The following DDX60 variants were observed in gnomAD, a reference collection of about 807,000 sequenced individuals.
The protein encoded by DDX60 is DExD/H-box helicase 60.
Under a neutral mutation model 212.8 loss-of-function variants are expected in DDX60, and 165 were observed. That is an observed-to-expected ratio of 0.78 (90% CI 0.68 to 0.88). The LOEUF (loss-of-function observed/expected upper bound fraction) is 0.88, where lower values mean the gene tolerates loss of function less well. DDX60 is among the 40% of genes least tolerant of loss of function. The probability of loss-of-function intolerance (pLI) is 0.00; values close to 1 mark genes in which losing one functional copy is unlikely to be tolerated. For missense variants in DDX60, 1,905 were observed against 2,003.9 expected, an observed-to-expected ratio of 0.95 and a Z score of 0.94; for synonymous variants, 703 against 685.3, an observed-to-expected ratio of 1.03 and a Z score of -0.40.
At chr4:168,266,844 T>C (rs1734868226) in intron 22 of DDX60, among the ~76,000 whole-genome samples, 1 of 152,242 alleles carries the variant, frequency 6.6e-6, no homozygotes, top group Non-Finnish European at 1.5e-5. Context: ...TATGTTGACT[T>C]TTGTGCTCTA....
intron 1 of DDX60, among the ~76,000 whole-genome samples, chr4:168,316,821 G>C (rs1234773120): frequency 6.6e-6 from 1 of 151,922 alleles, no homozygotes; most frequent in East Asian, 1.9e-4. Flanking sequence ...AACTTGGGAG[G>C]CCAAGGCGGG....
chr4:168,284,819 C>T lies in DDX60; in HGVS notation c.1561+1G>A. ...TATATCACTGGAGTCACAGAGCTTACCATCAAACTGACACCTGGACCTGTC... is the reference window on the plus strand; with the variant it reads ...TATATCACTGGAGTCACAGAGCTTATCATCAAACTGACACCTGGACCTGTC... On this transcript the variant is annotated splice_donor_variant, in intron 12 of 37. Transcript: ENST00000393743. LOFTEE classifies it high-confidence loss of function. The T allele has an allele frequency of 2.1e-6, 3 of 1,457,218 alleles. No individual in the cohort carries two copies. Among genetic ancestry groups the T allele is most frequent in the Non-Finnish European group, 2.8e-6 (3 of 1,070,616 alleles). The allele number at this position is 1,457,218 out of a possible 1,614,324, so 90.3% of individuals were successfully genotyped here. A position where few individuals can be genotyped will look rare whatever the true frequency, so the allele number is the denominator to read the frequency against.
intron 20 of DDX60, 65 bp downstream of exon 20, chr4:168,268,788 GA>G (rs1734959849): frequency 1.1e-6 from 1 of 905,152 alleles, no homozygotes; most frequent in Non-Finnish European, 1.7e-6. Context: ...AATCCACAGA[GA>G]AATTATGAAA....
At chr4:168,291,640 C>T in intron 8 of DDX60, 108 bp downstream of exon 8, 1 of 985,328 alleles carries the variant, frequency 1.0e-6, no homozygotes, top group Non-Finnish European at 1.4e-6. Flanking sequence ...CTTTTATAGC[C>T]CCCAAGGGGC....
At position 168,248,272 on chromosome 4, in the gene DDX60, T is replaced by C. The variant is rs940780005; in HGVS notation, c.3879A>G (p.Thr1293=). Residue 1293 remains threonine, a synonymous_variant, in exon 29 of 38, where the codon ACA becomes ACG. Transcript: ENST00000393743. ...GYLRVVTATG[T]LALGVNMPCK... is the part of the protein sequence containing the mutation. ...AAGGCATGTTGACACCTAAAGCAAG[T>C]GTTCCAGTAGCTGTCACCACCTTGA... is the stretch of plus-strand genomic sequence containing the variant. 1 of 1,607,608 alleles carries C rather than the reference T, an allele frequency of 6.2e-7. No homozygotes were observed. Among genetic ancestry groups the C allele is most frequent in the Non-Finnish European group, 8.5e-7 (1 of 1,177,652 alleles).
intron 13 of DDX60, among the ~76,000 whole-genome samples, chr4:168,281,979 C>T (rs1735612973): frequency 6.6e-6 from 1 of 152,108 alleles, no homozygotes; most frequent in South Asian, 2.1e-4. Flanking sequence ...AGAATTTCTG[C>T]AAATTTACCA....
intron 6 of DDX60, among the ~76,000 whole-genome samples, chr4:168,297,603 A>G (rs1170121419): frequency 1.3e-5 from 2 of 152,168 alleles, no homozygotes; most frequent in African/African-American, 4.8e-5. Flanking sequence ...ACAGAAAAAT[A>G]TTTGTATCAT....
intron 19 of DDX60, among the ~76,000 whole-genome samples, 194 bp from the exon 20 acceptor site, chr4:168,269,163 A>T (rs1734979225): frequency 6.6e-6 from 1 of 151,988 alleles, no homozygotes; most frequent in Admixed American, 6.6e-5. Context: ...ACTTTCAAAA[A>T]TTTCCTTCAA....
intron 6 of DDX60, among the ~76,000 whole-genome samples, chr4:168,294,431 T>C (rs1736251033): frequency 6.6e-6 from 1 of 152,080 alleles, no homozygotes; most frequent in South Asian, 2.1e-4. Flanking sequence ...AAAGTAAACA[T>C]CTTCTGCACA....
Position 168,283,537 on chromosome 4 carries a change from T to G in DDX60, c.1631A>C (p.Asn544Thr). The change falls in exon 13 of 38, where the codon AAT becomes ACT. Residue 544 changes from asparagine to threonine, a missense_variant. Asn to Thr is a moderately conservative substitution (Grantham distance 65). Transcript: ENST00000393743. ...KYHVFQRFYG[N>T]SLETVSSKII... ...TTTCGAAGAGACTGTTTCTAATGAA[T>G]TCCCATAAAACCGTTGGAAAACATG... is the stretch of plus-strand genomic sequence containing the variant. 6.2e-7 allele frequency: 1 copy of G among 1,613,368 alleles called. No individual in the cohort carries two copies. The highest frequency in any genetic ancestry group is 1.7e-4 in the Middle Eastern group (1 of 6,058).
At chr4:168,236,086 C>T in intron 33 of DDX60, 166 bp downstream of exon 33, 1 of 539,214 alleles carries the variant, frequency 1.9e-6, no homozygotes, top group Non-Finnish European at 3.0e-6. Flanking sequence ...CAGAGGGAGA[C>T]ATCAATTACA....
intron 9 of DDX60, among the ~76,000 whole-genome samples, chr4:168,287,779 TA>T (rs1251336900): frequency 6.6e-6 from 1 of 152,020 alleles, no homozygotes; most frequent in Non-Finnish European, 1.5e-5. Flanking sequence ...AAATTACATA[TA>T]AAAATATATA....
chr4:168,247,323 GAGA>G (rs1370329295), intron 29 of DDX60, among the ~76,000 whole-genome samples: 1 of 152,128 alleles, frequency 6.6e-6, no homozygotes, highest in Non-Finnish European at 1.5e-5. Flanking sequence ...GAGCCCAAAG[GAGA>G]AGATTCCCAA....
Position 168,280,602 on chromosome 4 carries a change from G to A in DDX60, c.1723-12C>T, listed in dbSNP as rs1560853490. The stretch of plus-strand genomic sequence containing the variant: ...TCAGCCTTGGTCTCCTGCCCCAAAG[G>A]AAAAAACATCTCTTAAGACAAGTTG... On this transcript the variant is annotated splice_polypyrimidine_tract_variant and intron_variant, in intron 13 of 37. Coordinates refer to ENST00000393743, the MANE Select transcript of DDX60 (RefSeq NM_017631.6). 1.3e-6 allele frequency: 2 copies of A among 1,590,168 alleles called. No homozygotes were observed. The highest frequency in any genetic ancestry group is 1.7e-6 in the Non-Finnish European group (2 of 1,172,286).
chr4:168,256,649 G>T (rs1182354556), intron 25 of DDX60, among the ~76,000 whole-genome samples: 1 of 152,158 alleles, frequency 6.6e-6, no homozygotes, highest in Non-Finnish European at 1.5e-5. Context: ...TATTTCACAT[G>T]CATTTCCCTG....
chr4:168,272,061 T>G lies in DDX60; in HGVS notation c.2652A>C (p.Arg884Ser). ...PHRQNWVKKI[R>S]YVIFDEVHCL... The stretch of plus-strand genomic sequence containing the variant: ...AACCTACCTCATCAAATATAACATA[T>G]CTGATCTTTTTCACCCAGTTTTGGC... Residue 884 changes from arginine to serine, a missense_variant, in exon 19 of 38, where the codon AGA becomes AGC. By Grantham distance (110) the Arg-to-Ser change is moderately radical (BLOSUM62 -1). Transcript: ENST00000393743. 1 of 1,582,946 alleles carries G rather than the reference T, an allele frequency of 6.3e-7. No homozygotes were observed. The highest frequency in any genetic ancestry group is 8.6e-7 in the Non-Finnish European group (1 of 1,161,716).
intron 26 of DDX60, among the ~76,000 whole-genome samples, chr4:168,253,519 G>C (rs191494216): frequency 6.6e-6 from 1 of 152,170 alleles, no homozygotes; most frequent in Admixed American, 6.6e-5. Context: ...CCTCTCCTGG[G>C]GATGGGAAAT....
At chr4:168,281,684 T>C (rs890327834) in intron 13 of DDX60, among the ~76,000 whole-genome samples, 1 of 152,214 alleles carries the variant, frequency 6.6e-6, no homozygotes, top group African/African-American at 2.4e-5. Flanking sequence ...AATTAGAGAA[T>C]TGTTGTATTA....
intron 25 of DDX60, among the ~76,000 whole-genome samples, chr4:168,260,532 C>A (rs1363071683): frequency 1.3e-5 from 2 of 152,038 alleles, no homozygotes; most frequent in African/African-American, 2.4e-5. Flanking sequence ...CAGTGGGTGG[C>A]GGTGGGGAAG....
Sources: allele counts gnomAD v4.1 joint callset (sites outside exome capture counted in the v4.1 genomes callset), GRCh38; gene constraint gnomAD v4.1.1; transcripts MANE v1.5; gene names NCBI Gene and HGNC (gene_info 2026-07-23, HGNC 2026-07-21).